Variants in RHOA observed in about 807,000 individuals in gnomAD.
The protein encoded by RHOA is transforming protein RhoA.
RHOA carries 3 observed loss-of-function variants against 17.5 expected under a neutral mutation model. That is an observed-to-expected ratio of 0.17 (90% CI 0.08 to 0.44). The LOEUF is 0.44. Among genes scored for constraint, RHOA ranks in the 20% least tolerant of loss-of-function variants. The probability of loss-of-function intolerance (pLI) is 0.99; values close to 1 mark genes in which losing one functional copy is unlikely to be tolerated. For synonymous variants in RHOA, 98 were observed against 88.4 expected (o/e 1.11, Z -0.61); for missense variants, 56 against 242.3 (o/e 0.23, Z 5.10).
chr3:49,393,231 C>T (rs374056472), intron 1 of RHOA, among the ~76,000 whole-genome samples: 1 of 152,008 alleles, frequency 6.6e-6, no homozygotes, highest in African/African-American at 2.4e-5. Flanking sequence ...CCATCTTTTA[C>T]GCTTCCTTCT....
chr3:49,381,999 A>G (rs2048325901), intron 1 of RHOA, among the ~76,000 whole-genome samples: 1 of 151,426 alleles, frequency 6.6e-6, no homozygotes, highest in African/African-American at 2.4e-5. Context: ...AGCTTGGGCA[A>G]AATAGCAAGA....
chr3:49,387,066 G>T (rs1203874824), intron 1 of RHOA, among the ~76,000 whole-genome samples: 1 of 133,820 alleles, frequency 7.5e-6, no homozygotes, highest in Non-Finnish European at 1.6e-5. Flanking sequence ...GCAGTGAGCC[G>T]AGATCACGCC....
At chr3:49,404,458 A>ACACACACACACACAC (rs10527314) in intron 1 of RHOA, among the ~76,000 whole-genome samples, 31 of 146,778 alleles carry the variant, frequency 2.1e-4, no homozygotes, top group South Asian at 4.5e-4. Flanking sequence ...ACACACACAC[A>ACACACACACACACAC]AAATTAGCCG....
intron 1 of RHOA, among the ~76,000 whole-genome samples, chr3:49,402,660 C>G (rs950390054): frequency 6.6e-6 from 1 of 151,834 alleles, no homozygotes. Flanking sequence ...GGAAACAGAT[C>G]AAGACTCTGT....
At chr3:49,410,283 T>A (rs2048910679) in intron 1 of RHOA, among the ~76,000 whole-genome samples, 1 of 152,150 alleles carries the variant, frequency 6.6e-6, no homozygotes, top group African/African-American at 2.4e-5. Flanking sequence ...GAAATTTACT[T>A]AAGTCTCTGG....
At chr3:49,367,233 C>T (rs1026556389) in intron 3 of RHOA, among the ~76,000 whole-genome samples, 2 of 149,880 alleles carry the variant, frequency 1.3e-5, no homozygotes, top group Non-Finnish European at 3.0e-5. Flanking sequence ...GTCCCAGCTA[C>T]TTGGGTGGCT....
intron 1 of RHOA, among the ~76,000 whole-genome samples, chr3:49,384,024 T>C (rs1384468767): frequency 2.0e-5 from 3 of 152,022 alleles, no homozygotes; most frequent in East Asian, 1.9e-4. Context: ...AGTGAGACTG[T>C]GTCTCAGAAA....
At chr3:49,361,401 G>A (rs1250189176) in intron 4 of RHOA, among the ~76,000 whole-genome samples, 1 of 152,186 alleles carries the variant, frequency 6.6e-6, no homozygotes, top group Non-Finnish European at 1.5e-5. Context: ...TAGGCCAGCT[G>A]GTTTCTGAGA....
chr3:49,374,752 A>G (rs1391620403), intron 2 of RHOA, among the ~76,000 whole-genome samples: 11 of 151,970 alleles, frequency 7.2e-5, no homozygotes, highest in Non-Finnish European at 1.3e-4. Context: ...AAAAAAACAC[A>G]TATGCTAAGG....
chr3:49,364,008 AC>A (rs2048014005), intron 3 of RHOA, among the ~76,000 whole-genome samples: 2 of 152,056 alleles, frequency 1.3e-5, no homozygotes, highest in South Asian at 4.2e-4. Flanking sequence ...TGATCACGCT[AC>A]TACTGCACTC....
chr3:49,406,596 C>G, intron 1 of RHOA: 1 of 152,114 alleles, frequency 6.6e-6, no homozygotes, highest in Non-Finnish European at 1.5e-5. Context: ...TGGTAAAATT[C>G]TTGTCTCTAC....
At chr3:49,361,890 T>C (rs1266842189) in intron 4 of RHOA, among the ~76,000 whole-genome samples, 4 of 144,950 alleles carry the variant, frequency 2.8e-5, no homozygotes, top group Admixed American at 2.1e-4. Context: ...AAAATAAAAA[T>C]AAAGAGTCTA....
At chr3:49,379,929 T>C (rs1220328053) in intron 1 of RHOA, among the ~76,000 whole-genome samples, 4 of 152,208 alleles carry the variant, frequency 2.6e-5, no homozygotes, top group African/African-American at 9.6e-5. Flanking sequence ...AAGAGAGAAA[T>C]CTGCAGATTC....
At chr3:49,410,353 G>A (rs2107918896) in intron 1 of RHOA, among the ~76,000 whole-genome samples, 1 of 152,274 alleles carries the variant, frequency 6.6e-6, no homozygotes, top group South Asian at 2.1e-4. Context: ...ATTCCTCTTA[G>A]ATCTAAAACT....
chr3:49,368,679 A>G lies in RHOA; in HGVS notation c.157-131T>C. On this transcript the variant is annotated intron_variant, in intron 2 of 4. Transcript: ENST00000418115. Reference sequence around the variant, plus strand: ...GGCAGACGGTCTAAAACAGTAAAACACAGGAGTATTTACATTTTTTCTTTT... The same window carrying G: ...GGCAGACGGTCTAAAACAGTAAAACGCAGGAGTATTTACATTTTTTCTTTT... 4.4e-6 allele frequency: 4 copies of G among 900,474 alleles called. No individual in the cohort carries two copies. The South Asian group carries it at 6.5e-5, about 15-fold the overall frequency. 55.8% of individuals were successfully genotyped at this position (900,474 alleles called of 1,614,324 possible).
At chr3:49,367,562 T>TG (rs1234368637) in intron 3 of RHOA, among the ~76,000 whole-genome samples, 14 of 151,924 alleles carry the variant, frequency 9.2e-5, no homozygotes, top group Non-Finnish European at 1.3e-4. Context: ...TTTTGGGAGA[T>TG]GGAGTCTGCA....
At chr3:49,409,169 CG>C (rs2048891183) in intron 1 of RHOA, among the ~76,000 whole-genome samples, 1 of 151,680 alleles carries the variant, frequency 6.6e-6, no homozygotes, top group Non-Finnish European at 1.5e-5. Flanking sequence ...CCAAGGCAGG[CG>C]GATCACCTGA....
chr3:49,409,757 T>C (rs1307772079), intron 1 of RHOA, among the ~76,000 whole-genome samples: 2 of 152,028 alleles, frequency 1.3e-5, no homozygotes, highest in Admixed American at 6.6e-5. Context: ...AACTGACAAA[T>C]GGAAAGAAAT....
intron 1 of RHOA, among the ~76,000 whole-genome samples, chr3:49,392,267 AC>A (rs1162906610): frequency 2.0e-5 from 3 of 152,118 alleles, no homozygotes; most frequent in Non-Finnish European, 4.4e-5. Context: ...CCTCATTTCT[AC>A]AAATAATAAA....
Sources: gnomAD v4.1 joint callset for allele counts (sites outside exome capture counted in the v4.1 genomes callset) on GRCh38, gnomAD v4.1.1 for gene constraint, MANE v1.5 for transcripts, NCBI Gene and HGNC (gene_info 2026-07-23, HGNC 2026-07-21) for gene names.